FAM227B: variants seen among roughly 807,000 people sequenced by gnomAD.
FAM227B encodes protein FAM227B.
FAM227B carries 88 observed loss-of-function variants against 73.8 expected under a neutral mutation model. The ratio of observed to expected loss-of-function variants is 1.19; its 90% CI spans 1.00 to 1.42. The LOEUF is 1.42. Among genes scored for constraint, FAM227B ranks in the 40% most tolerant of loss-of-function variants. The pLI is 0.00. For missense variants in FAM227B, 632 were observed against 590.9 expected (o/e 1.07, Z -0.72); for synonymous variants, 210 against 190.5 (o/e 1.10, Z -0.84).
intron 11 of FAM227B, among the ~76,000 whole-genome samples, chr15:49,478,175 T>C (rs1434305821): frequency 6.6e-6 from 1 of 152,128 alleles, no homozygotes; most frequent in Non-Finnish European, 1.5e-5. Context: ...CAGTATTTAG[T>C]TTTCTGTTCA....
Position 49,418,986 on chromosome 15 carries a change from T to C in FAM227B, c.1013-47587A>G, listed in dbSNP as rs143680122. On this transcript the variant is annotated intron_variant, in intron 11 of 15. Transcript: ENST00000299338. ...GATGGGATAGATTTCAAGAGTTTTATGTATGGCCAAAGCTAAGGCATCTGG... is the reference window on the plus strand; with the variant it reads ...GATGGGATAGATTTCAAGAGTTTTACGTATGGCCAAAGCTAAGGCATCTGG... Among the ~76,000 whole-genome samples, 975 of 152,312 alleles carry C rather than the reference T, an allele frequency of 6.4e-3. 5 individuals carry two copies. Among genetic ancestry groups the C allele is most frequent in the Non-Finnish European group, 0.011 (731 of 68,026 alleles).
At chr15:49,585,057 A>C (rs1230233685) in intron 5 of FAM227B, among the ~76,000 whole-genome samples, 1 of 152,226 alleles carries the variant, frequency 6.6e-6, no homozygotes, top group East Asian at 1.9e-4. Context: ...TCTCTAAAGA[A>C]GACATTTATG....
At chr15:49,340,680 T>C (rs903929650) in intron 13 of FAM227B, among the ~76,000 whole-genome samples, 5 of 152,186 alleles carry the variant, frequency 3.3e-5, no homozygotes, top group African/African-American at 9.7e-5. Context: ...GTTGGATGCA[T>C]AGTTTGTGAA....
At chr15:49,468,993 A>G (rs1485394754) in intron 11 of FAM227B, among the ~76,000 whole-genome samples, 2 of 152,206 alleles carry the variant, frequency 1.3e-5, no homozygotes, top group East Asian at 1.9e-4. Context: ...TTTCAGGTTG[A>G]CACCTTAAAA....
At chr15:49,613,291 G>A (rs1394895730) in intron 2 of FAM227B, among the ~76,000 whole-genome samples, 1 of 152,208 alleles carries the variant, frequency 6.6e-6, no homozygotes, top group Non-Finnish European at 1.5e-5. Flanking sequence ...AAGGCAGGTG[G>A]ATTGCTTGAG....
chr15:49,335,279 A>T, intron 14 of FAM227B, 140 bp downstream of exon 14: 2 of 593,140 alleles, frequency 3.4e-6, no homozygotes. Context: ...CACTTACCTG[A>T]AAAGAATCTC....
At position 49,361,590 on chromosome 15, in the gene FAM227B, T is replaced by C. The variant is rs142010637; in HGVS notation, c.1271+5858A>G. On this transcript the variant is annotated intron_variant, in intron 13 of 15. Transcript: ENST00000299338. ...AAGGACATGATCTTGTTAGTTTTTA[T>C]GGCTGCACAGTATTCCCTGGTGTAT... Among the ~76,000 whole-genome samples, 1,220 of 152,318 alleles carry C rather than the reference T, an allele frequency of 8.0e-3. 15 individuals carry two copies. The highest frequency in any genetic ancestry group is 0.028 in the African/African-American group (1,172 of 41,566).
intron 13 of FAM227B, chr15:49,353,960 T>G (rs995931965): frequency 6.6e-6 from 1 of 152,210 alleles, no homozygotes; most frequent in African/African-American, 2.4e-5. Context: ...GGGAAAAATG[T>G]GTGTTCATGT....
intron 8 of FAM227B, among the ~76,000 whole-genome samples, chr15:49,570,102 G>A (rs546085360): frequency 3.3e-5 from 5 of 151,956 alleles, no homozygotes; most frequent in Non-Finnish European, 5.9e-5. Flanking sequence ...CGTGGAAATA[G>A]AGTTATGTAT....
At chr15:49,439,348 T>C (rs1181350280) in intron 11 of FAM227B, among the ~76,000 whole-genome samples, 1 of 151,262 alleles carries the variant, frequency 6.6e-6, no homozygotes, top group Admixed American at 6.6e-5. Flanking sequence ...ATCTTTAAGA[T>C]GGAAATTGCA....
chr15:49,485,769 G>A, intron 11 of FAM227B: 1 of 152,308 alleles, frequency 6.6e-6, no homozygotes, highest in Non-Finnish European at 1.5e-5. Flanking sequence ...AGTATTTACA[G>A]GATTTTAAAG....
rs1235610823 is a variant in FAM227B at position 49,358,315 on chromosome 15, C to A, written c.1271+9133G>T. Among the ~76,000 whole-genome samples the A allele has an allele frequency of 2.5e-5, 3 of 120,532 alleles. 1 individual carries two copies. Among genetic ancestry groups the A allele is most frequent in the Admixed American group, 1.6e-4 (2 of 12,830 alleles). 79.1% of individuals were successfully genotyped at this position (120,532 alleles called of 152,430 possible). On this transcript the variant is annotated intron_variant, in intron 13 of 15. Coordinates refer to ENST00000299338, the MANE Select transcript of FAM227B (RefSeq NM_152647.3). The stretch of plus-strand genomic sequence containing the variant: ...TCAAATTGTCCCTGTTTGCAGACGA[C>A]ATGATTGTGTATGTAGAAAACCCCA...
chr15:49,471,591 A>T (rs1191291780), intron 11 of FAM227B, among the ~76,000 whole-genome samples: 2 of 151,732 alleles, frequency 1.3e-5, no homozygotes, highest in African/African-American at 2.4e-5. Context: ...AGAGTACTGA[A>T]CATAGTTAAG....
intron 8 of FAM227B, among the ~76,000 whole-genome samples, chr15:49,574,264 T>G (rs899968785): frequency 6.6e-6 from 1 of 152,098 alleles, no homozygotes; most frequent in Non-Finnish European, 1.5e-5. Context: ...TGCTGTTTAT[T>G]TCTTCTCTTA....
intron 11 of FAM227B, among the ~76,000 whole-genome samples, chr15:49,468,534 T>A (rs1178762173): frequency 6.6e-6 from 1 of 152,150 alleles, no homozygotes; most frequent in Non-Finnish European, 1.5e-5. Flanking sequence ...AAGATTAGTA[T>A]TATCAACCAT....
At chr15:49,337,590 T>C (rs940990253) in intron 13 of FAM227B, among the ~76,000 whole-genome samples, 3 of 140,096 alleles carry the variant, frequency 2.1e-5, no homozygotes, top group Non-Finnish European at 4.6e-5. Context: ...GTTTGTTACA[T>C]AGGTATACAT....
intron 10 of FAM227B, among the ~76,000 whole-genome samples, chr15:49,529,194 G>A (rs569764176): frequency 6.5e-4 from 99 of 151,800 alleles, no homozygotes; most frequent in African/African-American, 2.1e-3. Flanking sequence ...GGAGCTGGAT[G>A]TCATTATTCT....
intron 11 of FAM227B, among the ~76,000 whole-genome samples, chr15:49,427,697 C>A (rs918190261): frequency 6.6e-6 from 1 of 151,956 alleles, no homozygotes; most frequent in African/African-American, 2.4e-5. Context: ...ACTCACTTCA[C>A]CAGCAGAAGC....
chr15:49,492,682 C>G (rs910997130), intron 11 of FAM227B, among the ~76,000 whole-genome samples: 4 of 151,728 alleles, frequency 2.6e-5, no homozygotes, highest in Non-Finnish European at 4.4e-5. Context: ...TAAATATTTA[C>G]CATGCCTTAA....
Sources: gnomAD v4.1 joint callset for allele counts (sites outside exome capture counted in the v4.1 genomes callset) on GRCh38, gnomAD v4.1.1 for gene constraint, MANE v1.5 for transcripts, NCBI Gene and HGNC (gene_info 2026-07-23, HGNC 2026-07-21) for gene names.